The following TCF4 variants were observed in gnomAD, a reference collection of about 807,000 sequenced individuals.
TCF4 encodes the protein transcription factor 4, also known as SL3-3 enhancer factor 2.
TCF4 carries 3 observed loss-of-function variants against 82.1 expected under a neutral mutation model. The observed-to-expected ratio is 0.04, with a 90% CI of 0.02 to 0.09. TCF4 has a LOEUF of 0.09. Among genes scored for constraint, TCF4 ranks in the 10% least tolerant of loss-of-function variants. The pLI is 1.00. For missense variants in TCF4, 518 were observed against 852.7 expected (o/e 0.61, Z 4.89); for synonymous variants, 276 against 309.6 (o/e 0.89, Z 1.14).
At chr18:55,359,289 T>C (rs1443439961) in intron 6 of TCF4, among the ~76,000 whole-genome samples, 5 of 152,244 alleles carry the variant, frequency 3.3e-5, no homozygotes, top group Admixed American at 3.3e-4. Flanking sequence ...TTTTTCTTTT[T>C]GTTTATTATT....
At chr18:55,565,236 A>G (rs1691001470) in intron 3 of TCF4, among the ~76,000 whole-genome samples, 1 of 152,162 alleles carries the variant, frequency 6.6e-6, no homozygotes, top group South Asian at 2.1e-4. Context: ...GTAAATCAGA[A>G]TTCTGCTTCC....
intron 5 of TCF4, among the ~76,000 whole-genome samples, chr18:55,423,820 T>A (rs928652614): frequency 6.6e-6 from 1 of 151,956 alleles, no homozygotes; most frequent in African/African-American, 2.4e-5. Flanking sequence ...CTGCCTACAC[T>A]CCAACTGACG....
At chr18:55,379,625 G>T (rs899047938) in intron 6 of TCF4, among the ~76,000 whole-genome samples, 9 of 152,022 alleles carry the variant, frequency 5.9e-5, no homozygotes, top group African/African-American at 9.6e-5. Flanking sequence ...AGTTTTTGGG[G>T]TTTTTTTTGG....
Position 55,228,297 on chromosome 18 carries a change from C to G in TCF4, c.1944G>C (p.Glu648Asp), listed in dbSNP as rs775473226. ...GGCCGGCCAAGGAGAGAGGGGGAGG[C>G]TCTGAGGACACCTTCTCTTCCTCCC... ...KRREEEKVSS[E>D]PPPLSLAGPH... The change falls in exon 19 of 20, where the codon GAG (glutamate) becomes GAC (aspartate). Residue 648 changes from glutamate to aspartate, a missense_variant. By Grantham distance (45) the Glu-to-Asp change is conservative. Coordinates refer to ENST00000354452, the MANE Select transcript of TCF4 (RefSeq NM_001083962.2). 1 of 1,614,082 alleles carries G rather than the reference C, an allele frequency of 6.2e-7. No individual in the cohort carries two copies. Among genetic ancestry groups the G allele is most frequent in the Non-Finnish European group, 8.5e-7 (1 of 1,179,984 alleles).
intron 5 of TCF4, among the ~76,000 whole-genome samples, chr18:55,411,143 C>G (rs1027695231): frequency 2.6e-5 from 4 of 152,126 alleles, no homozygotes; most frequent in African/African-American, 9.7e-5. Flanking sequence ...TGTCAAATAA[C>G]TCTTTAAGGC....
In TCF4 at chr18:55,234,366, G is replaced by A. The variant is rs560655559; in HGVS notation, c.1486+182C>T. On this transcript the variant is annotated intron_variant, in intron 16 of 19. Transcript: ENST00000354452. ...AGGATGTTTGAGGAAAACAGTCCCT[G>A]GAGAAACACAATTAGCGGGCGAAGT... 1.0e-5 allele frequency: 8 copies of A among 794,130 alleles called. No individual in the cohort carries two copies. The Admixed American group carries it at 1.0e-4, about 10-fold the overall frequency. The allele number at this position is 794,130 out of a possible 1,614,324, so 49.2% of individuals were successfully genotyped here.
intron 3 of TCF4, among the ~76,000 whole-genome samples, chr18:55,486,143 T>C (rs1389507465): frequency 6.6e-6 from 1 of 152,204 alleles, no homozygotes; most frequent in Non-Finnish European, 1.5e-5. Context: ...AAAATTTAGT[T>C]GAAGAGACAA....
intron 6 of TCF4, among the ~76,000 whole-genome samples, chr18:55,370,256 A>T (rs918087219): frequency 6.6e-6 from 1 of 152,154 alleles, no homozygotes; most frequent in Non-Finnish European, 1.5e-5. Flanking sequence ...TAGAAAAAAA[A>T]TTAGCCAGGT....
At chr18:55,600,897 G>A (rs568980531) in intron 2 of TCF4, among the ~76,000 whole-genome samples, 36 of 152,276 alleles carry the variant, frequency 2.4e-4, no homozygotes, top group African/African-American at 8.4e-4. Flanking sequence ...ATTGCATTAG[G>A]TATTACTAGT....
intron 8 of TCF4, among the ~76,000 whole-genome samples, chr18:55,289,124 A>G (rs1423487435): frequency 6.6e-6 from 1 of 152,200 alleles, no homozygotes; most frequent in East Asian, 1.9e-4. Flanking sequence ...AGTGCCTTAA[A>G]CTGATTAAGT....
intron 2 of TCF4, chr18:55,631,239 A>C: frequency 2.7e-6 from 2 of 742,026 alleles, no homozygotes; most frequent in Non-Finnish European, 4.4e-6. Context: ...TAGTAGAGAC[A>C]GGATTTCATC....
At chr18:55,572,332 G>A (rs530676136) in intron 3 of TCF4, among the ~76,000 whole-genome samples, 2 of 152,306 alleles carry the variant, frequency 1.3e-5, no homozygotes, top group Admixed American at 1.3e-4. Flanking sequence ...TGAAAGAATG[G>A]TGATATTTTT....
chr18:55,317,315 T>C (rs2074385305), intron 8 of TCF4, among the ~76,000 whole-genome samples: 1 of 152,098 alleles, frequency 6.6e-6, no homozygotes, highest in South Asian at 2.1e-4. Context: ...TAAGCAAATT[T>C]TTGCTGTGTA....
intron 5 of TCF4, among the ~76,000 whole-genome samples, chr18:55,457,377 T>C (rs1449925741): frequency 6.6e-6 from 1 of 152,258 alleles, no homozygotes; most frequent in East Asian, 1.9e-4. Flanking sequence ...TGTGCATGCA[T>C]GTATAACCAC....
At chr18:55,501,019 C>A (rs1179006747) in intron 3 of TCF4, among the ~76,000 whole-genome samples, 1 of 152,082 alleles carries the variant, frequency 6.6e-6, no homozygotes, top group South Asian at 2.1e-4. Context: ...TTACTGAGAA[C>A]CCTGGAAGAT....
At chr18:55,592,799 G>C (rs892139940), upstream of TCF4, among the ~76,000 whole-genome samples, 3 of 152,200 alleles carry the variant, frequency 2.0e-5, no homozygotes, top group African/African-American at 7.2e-5. Context: ...CATGGTTATA[G>C]GGAAACAAGA....
chr18:55,586,668 A>G (rs1224481634), intron 2 of TCF4, among the ~76,000 whole-genome samples: 3 of 152,220 alleles, frequency 2.0e-5, no homozygotes, highest in African/African-American at 4.8e-5. Context: ...TCCAAAAACA[A>G]TAAATAAAAC....
chr18:55,634,290 CAAAAAA>C (rs796819597), intron 1 of TCF4, among the ~76,000 whole-genome samples: 62 of 147,826 alleles, frequency 4.2e-4, no homozygotes, highest in Non-Finnish European at 5.1e-4. Flanking sequence ...AAAACAAAAA[CAAAAAA>C]AAAAACTAGA....
At position 55,247,259 on chromosome 18, in the gene TCF4, G is replaced by A. The variant is rs188592825; in HGVS notation, c.1350+7238C>T. Reference sequence around the variant, plus strand: ...AAAATATTGTATTGGTGGCTTTGATGTGGGCATTAGTCACACCCATCACAT... The same window carrying A: ...AAAATATTGTATTGGTGGCTTTGATATGGGCATTAGTCACACCCATCACAT... On this transcript the variant is annotated intron_variant, in intron 15 of 19. Transcript: ENST00000354452. Among the ~76,000 whole-genome samples the A allele has an allele frequency of 1.1e-3, 164 of 152,296 alleles. 2 individuals are homozygous for A. Among genetic ancestry groups the A allele is most frequent in the Admixed American group, 2.1e-3 (32 of 15,302 alleles).
Sources: gnomAD v4.1 joint callset for allele counts (sites outside exome capture counted in the v4.1 genomes callset) on GRCh38, gnomAD v4.1.1 for gene constraint, MANE v1.5 for transcripts, NCBI Gene and HGNC (gene_info 2026-07-23, HGNC 2026-07-21) for gene names.